LRRTM4: variants seen among roughly 807,000 people sequenced by gnomAD.
LRRTM4 encodes the protein leucine-rich repeat transmembrane neuronal protein 4.
A neutral mutation model predicts 47.6 loss-of-function variants in LRRTM4; 25 were observed. That is an observed-to-expected ratio of 0.53 (90% CI 0.38 to 0.73). The LOEUF (loss-of-function observed/expected upper bound fraction) is 0.73. Ranked by LOEUF, LRRTM4 falls within the 30% of genes least tolerant of loss-of-function variation. LRRTM4 has a pLI of 0.00. For synonymous variants in LRRTM4, 311 were observed against 269.5 expected, an observed-to-expected ratio of 1.15 and a Z score of -1.51; for missense variants, 638 against 713.4, an observed-to-expected ratio of 0.89 and a Z score of 1.20.
chr2:77,392,459 G>C (rs533795898), intron 3 of LRRTM4, among the ~76,000 whole-genome samples: 4 of 151,908 alleles, frequency 2.6e-5, no homozygotes, highest in Non-Finnish European at 5.9e-5. Flanking sequence ...ATACTTTTTG[G>C]TTTACACCAT....
intron 3 of LRRTM4, among the ~76,000 whole-genome samples, chr2:77,144,573 C>T (rs1362056325): frequency 6.6e-6 from 1 of 152,202 alleles, no homozygotes; most frequent in African/African-American, 2.4e-5. Flanking sequence ...CCATTTGTAG[C>T]TCAACTCTAC....
chr2:77,353,783 C>A (rs1398563658), intron 3 of LRRTM4, among the ~76,000 whole-genome samples: 1 of 152,088 alleles, frequency 6.6e-6, no homozygotes, highest in Non-Finnish European at 1.5e-5. Context: ...AATGTACCCC[C>A]AACTGATATG....
At chr2:76,801,534 G>A (rs1419626781) in intron 3 of LRRTM4, among the ~76,000 whole-genome samples, 1 of 152,098 alleles carries the variant, frequency 6.6e-6, no homozygotes, top group Non-Finnish European at 1.5e-5. Context: ...GGAGGGGGAA[G>A]GGATAGCATT....
chr2:76,809,423 AC>A, intron 3 of LRRTM4, among the ~76,000 whole-genome samples: 1 of 152,136 alleles, frequency 6.6e-6, no homozygotes, highest in Non-Finnish European at 1.5e-5. Flanking sequence ...CAGGACTAAA[AC>A]CATGGACTCT....
intron 3 of LRRTM4, among the ~76,000 whole-genome samples, chr2:77,309,675 G>A (rs1010295294): frequency 5.1e-5 from 7 of 137,294 alleles, no homozygotes; most frequent in Non-Finnish European, 9.3e-5. Flanking sequence ...TAGATAGATA[G>A]ACAGATGATA....
At chr2:77,159,544 A>T (rs1485707404) in intron 3 of LRRTM4, among the ~76,000 whole-genome samples, 16 of 151,870 alleles carry the variant, frequency 1.1e-4, no homozygotes. Flanking sequence ...AAAGAAAAAA[A>T]AAGGAAATCA....
chr2:76,909,461 A>C (rs1673970587), intron 3 of LRRTM4, among the ~76,000 whole-genome samples: 1 of 152,022 alleles, frequency 6.6e-6, no homozygotes, highest in Non-Finnish European at 1.5e-5. Flanking sequence ...AAAACACCAA[A>C]AGCAATGGCA....
In LRRTM4 at chr2:76,786,226, C is replaced by T. The variant is rs113068192; in HGVS notation, c.1552-37310G>A. On this transcript the variant is annotated intron_variant, in intron 3 of 3. Coordinates refer to ENST00000409884, the MANE Select transcript of LRRTM4 (RefSeq NM_001134745.3). ...CCTATCTTCCCAAATGAACCATGAA[C>T]GATTAAAAATAAGGCACACTTACAG... is the stretch of plus-strand genomic sequence containing the variant. Among the ~76,000 whole-genome samples, 1,044 of 151,920 alleles carry T rather than the reference C, an allele frequency of 6.9e-3. 3 individuals carry two copies. Among genetic ancestry groups the T allele is most frequent in the Non-Finnish European group, 0.011 (765 of 67,950 alleles).
At chr2:77,084,483 A>G (rs907790098) in intron 3 of LRRTM4, among the ~76,000 whole-genome samples, 1 of 152,230 alleles carries the variant, frequency 6.6e-6, no homozygotes, top group Admixed American at 6.5e-5. Flanking sequence ...ACAGCCAGAC[A>G]TAACTACGTA....
intron 3 of LRRTM4, among the ~76,000 whole-genome samples, chr2:77,098,720 T>A (rs190565244): frequency 1.7e-3 from 256 of 149,510 alleles, no homozygotes; most frequent in Non-Finnish European, 3.0e-3. Flanking sequence ...CACTAAGAGA[T>A]ATAATCTATG....
At chr2:77,079,747 G>A (rs1484145451) in intron 3 of LRRTM4, among the ~76,000 whole-genome samples, 1 of 151,990 alleles carries the variant, frequency 6.6e-6, no homozygotes, top group Non-Finnish European at 1.5e-5. Flanking sequence ...TAAAAGTTAG[G>A]TAAGTGCTAT....
intron 3 of LRRTM4, among the ~76,000 whole-genome samples, chr2:77,152,188 G>T (rs1476464895): frequency 3.9e-5 from 6 of 152,150 alleles, no homozygotes; most frequent in African/African-American, 4.8e-5. Context: ...GTGAACTACT[G>T]TCTCATGGAC....
At chr2:76,840,431 G>C (rs1671638370) in intron 3 of LRRTM4, among the ~76,000 whole-genome samples, 1 of 152,150 alleles carries the variant, frequency 6.6e-6, no homozygotes, top group South Asian at 2.1e-4. Flanking sequence ...CACCCAACAG[G>C]TGTTTAAGTA....
intron 3 of LRRTM4, among the ~76,000 whole-genome samples, chr2:77,270,863 A>G (rs2104069078): frequency 1.3e-5 from 2 of 152,140 alleles, no homozygotes; most frequent in Non-Finnish European, 2.9e-5. Context: ...CCTTTTTCTA[A>G]TTGGTTTTCT....
intron 3 of LRRTM4, among the ~76,000 whole-genome samples, chr2:77,247,835 G>A (rs1006322419): frequency 2.0e-5 from 3 of 151,586 alleles, no homozygotes; most frequent in African/African-American, 7.3e-5. Context: ...TTTTGCAATT[G>A]CACTTTTATA....
At chr2:77,451,175 C>T (rs989206419) in intron 3 of LRRTM4, among the ~76,000 whole-genome samples, 1 of 152,032 alleles carries the variant, frequency 6.6e-6, no homozygotes, top group South Asian at 2.1e-4. Context: ...ATTTGATCAC[C>T]CCCATCCCAA....
intron 3 of LRRTM4, among the ~76,000 whole-genome samples, chr2:76,881,258 C>T (rs1336729606): frequency 2.0e-5 from 3 of 152,062 alleles, no homozygotes. Context: ...TCTGTACAGC[C>T]TAATTAGCAA....
intron 3 of LRRTM4, among the ~76,000 whole-genome samples, chr2:77,312,336 G>A (rs568721430): frequency 1.3e-5 from 2 of 152,138 alleles, no homozygotes; most frequent in South Asian, 4.2e-4. Flanking sequence ...ACTGAAAAAT[G>A]CTGCTATTGA....
chr2:77,065,834 G>C (rs1392998279), intron 3 of LRRTM4, among the ~76,000 whole-genome samples: 2 of 152,106 alleles, frequency 1.3e-5, no homozygotes, highest in East Asian at 3.9e-4. Flanking sequence ...TAAACTCTGA[G>C]ATGCCATTTT....
Sources: allele counts gnomAD v4.1 joint callset (sites outside exome capture counted in the v4.1 genomes callset), GRCh38; gene constraint gnomAD v4.1.1; transcripts MANE v1.5; gene names NCBI Gene and HGNC (gene_info 2026-07-23, HGNC 2026-07-21).